Variants in OCA2 observed in about 807,000 individuals in gnomAD.
The protein encoded by OCA2 is P protein.
A neutral mutation model predicts 100.2 loss-of-function variants in OCA2; 77 were observed. The ratio of observed to expected loss-of-function variants is 0.77; its 90% CI spans 0.64 to 0.93. OCA2 has a LOEUF of 0.93. OCA2 is among the 40% of genes least tolerant of loss of function. The pLI, the probability that OCA2 is intolerant of heterozygous loss-of-function variation, is 0.00. For synonymous variants in OCA2, 432 were observed against 439.2 expected (o/e 0.98, Z 0.21); for missense variants, 1,062 against 1,089.1 (o/e 0.98, Z 0.35).
At chr15:27,758,838 G>A (rs887272331) in intron 23 of OCA2, among the ~76,000 whole-genome samples, 3 of 152,044 alleles carry the variant, frequency 2.0e-5, no homozygotes, top group African/African-American at 7.2e-5. Context: ...GGGATCTGTG[G>A]GACATGAACA....
chr15:27,845,647 G>A (rs1315179710), intron 22 of OCA2, among the ~76,000 whole-genome samples: 14 of 151,972 alleles, frequency 9.2e-5, no homozygotes, highest in African/African-American at 3.4e-4. Flanking sequence ...CTTGGGTCAT[G>A]AGATCCAACC....
intron 2 of OCA2, among the ~76,000 whole-genome samples, chr15:28,039,486 A>G (rs1473012886): frequency 6.6e-6 from 1 of 152,234 alleles, no homozygotes; most frequent in African/African-American, 2.4e-5. Context: ...AATCAATAAC[A>G]GAAGGAAAAC....
intron 15 of OCA2, among the ~76,000 whole-genome samples, chr15:27,958,168 T>A (rs1004548200): frequency 6.6e-6 from 1 of 152,196 alleles, no homozygotes; most frequent in Admixed American, 6.5e-5. Context: ...ACCTGCACGT[T>A]GTGCACATGT....
intron 23 of OCA2, among the ~76,000 whole-genome samples, chr15:27,774,899 A>G (rs1283147546): frequency 6.6e-6 from 1 of 152,188 alleles, no homozygotes; most frequent in Non-Finnish European, 1.5e-5. Context: ...TTGGACTTCC[A>G]GGCTCCCGAA....
Position 28,090,695 on chromosome 15 carries a change from G to C in OCA2, c.-22+8529C>G, listed in dbSNP as rs1450563949. 2.0e-5 allele frequency among the ~76,000 whole-genome samples: 3 copies of C among 152,152 alleles called. No homozygotes were observed. In the East Asian group the frequency reaches 5.8e-4, roughly 29 times the overall value. On this transcript the variant is annotated intron_variant, in intron 1 of 23. Transcript: ENST00000354638. ...ATTGACAGAACACAGCTAAATCAGT[G>C]ATGGGAGGAAATTTACAGCATAAAT...
intron 23 of OCA2, among the ~76,000 whole-genome samples, chr15:27,807,494 G>A (rs1382827650): frequency 2.6e-5 from 4 of 152,128 alleles, no homozygotes; most frequent in Admixed American, 2.6e-4. Flanking sequence ...CTTTGCGTTG[G>A]TGTCATCCAC....
intron 2 of OCA2, among the ~76,000 whole-genome samples, chr15:28,041,936 G>A (rs879356490): frequency 6.6e-6 from 1 of 152,156 alleles, no homozygotes; most frequent in Non-Finnish European, 1.5e-5. Context: ...GAGAGAGAGA[G>A]AGAGGCATGC....
At chr15:27,727,860 C>T in the OCA2 span, among the ~76,000 whole-genome samples, 2 of 152,190 alleles carry the variant, frequency 1.3e-5, no homozygotes, top group African/African-American at 4.8e-5. Flanking sequence ...AGAGTGTCCT[C>T]CCCAATTCAA....
chr15:27,904,546 G>A (rs1162880528), intron 19 of OCA2, among the ~76,000 whole-genome samples: 1 of 152,134 alleles, frequency 6.6e-6, no homozygotes, highest in African/African-American at 2.4e-5. Flanking sequence ...CAGCTCAGTG[G>A]CTGGGCTGGA....
At chr15:27,942,214 AATATATGATATT>A (rs1285804288) in intron 18 of OCA2, among the ~76,000 whole-genome samples, 1 of 147,950 alleles carries the variant, frequency 6.8e-6, no homozygotes, top group Non-Finnish European at 1.5e-5. Context: ...TACTATATAT[AATATATGATATT>A]ATATATGATA....
chr15:27,859,195 T>C (rs566112505), intron 21 of OCA2, among the ~76,000 whole-genome samples: 11 of 151,862 alleles, frequency 7.2e-5, no homozygotes, highest in African/African-American at 2.4e-4. Flanking sequence ...ATAAATAAGA[T>C]GAAGAATAGA....
chr15:27,945,463 G>A (rs1175982879), intron 18 of OCA2, among the ~76,000 whole-genome samples: 1 of 152,198 alleles, frequency 6.6e-6, no homozygotes, highest in Non-Finnish European at 1.5e-5. Flanking sequence ...GCAAGGAGCT[G>A]AGGGCAGAGC....
At chr15:27,831,887 G>T (rs1278114452) in intron 23 of OCA2, among the ~76,000 whole-genome samples, 3 of 152,132 alleles carry the variant, frequency 2.0e-5, no homozygotes, top group South Asian at 2.1e-4. Flanking sequence ...CCCCAGCAGG[G>T]TGTCTGCATC....
chr15:27,973,634 T>C (rs2040874411), intron 14 of OCA2, among the ~76,000 whole-genome samples: 2 of 152,214 alleles, frequency 1.3e-5, no homozygotes, highest in Admixed American at 1.3e-4. Flanking sequence ...AGATTTGTTA[T>C]TTTTATTTAG....
At chr15:27,960,490 T>C (rs1286435854) in intron 15 of OCA2, among the ~76,000 whole-genome samples, 6 of 152,218 alleles carry the variant, frequency 3.9e-5, no homozygotes, top group Non-Finnish European at 8.8e-5. Flanking sequence ...TGTCCAGGCC[T>C]CACCCTCTCA....
chr15:27,992,937 G>A (rs1868332), intron 9 of OCA2, among the ~76,000 whole-genome samples: 91,479 of 151,846 alleles, frequency 0.6, 31,739 homozygotes, highest in Non-Finnish European at 0.79. Flanking sequence ...GGCCTGGCCA[G>A]CATCACAAGA....
At chr15:28,073,569 A>G (rs2044331652) in intron 2 of OCA2, among the ~76,000 whole-genome samples, 1 of 152,206 alleles carries the variant, frequency 6.6e-6, no homozygotes, top group Non-Finnish European at 1.5e-5. Flanking sequence ...ACATGAGTGT[A>G]GGAACAATAG....
chr15:27,898,528 C>A (rs2037801137), intron 19 of OCA2, among the ~76,000 whole-genome samples: 1 of 152,324 alleles, frequency 6.6e-6, no homozygotes, highest in Middle Eastern at 3.4e-3. Context: ...TGTGAGGCCT[C>A]CCCAGACACA....
intron 18 of OCA2, among the ~76,000 whole-genome samples, chr15:27,933,505 G>C (rs1416556694): frequency 6.6e-6 from 1 of 152,216 alleles, no homozygotes; most frequent in African/African-American, 2.4e-5. Context: ...AACAGGCTTT[G>C]TGTGAGCAAT....
Sources: gnomAD v4.1 joint callset for allele counts (sites outside exome capture counted in the v4.1 genomes callset) on GRCh38, gnomAD v4.1.1 for gene constraint, MANE v1.5 for transcripts, NCBI Gene and HGNC (gene_info 2026-07-23, HGNC 2026-07-21) for gene names.